ADGRD2: variants seen among roughly 807,000 people sequenced by gnomAD.
ADGRD2 encodes the protein G protein-coupled receptor PGR24.
A neutral mutation model predicts 44.4 loss-of-function variants in ADGRD2; 71 were observed. That is an observed-to-expected ratio of 1.60 (90% CI 1.32 to 1.95). The LOEUF (loss-of-function observed/expected upper bound fraction) is 1.95, where lower values mean the gene tolerates loss of function less well. Among genes scored for constraint, ADGRD2 ranks in the 30% most tolerant of loss-of-function variants. ADGRD2 has a pLI of 0.00. For synonymous variants in ADGRD2, 481 were observed against 224.8 expected, an observed-to-expected ratio of 2.14 and a Z score of -10.19; for missense variants, 1,039 against 512.4, an observed-to-expected ratio of 2.03 and a Z score of -9.92.
At chr9:124,461,935 C>T (rs565188667) in intron 10 of ADGRD2, among the ~76,000 whole-genome samples, 9 of 152,070 alleles carry the variant, frequency 5.9e-5, no homozygotes, top group African/African-American at 1.4e-4. Flanking sequence ...TTAGTAGAGA[C>T]GGGGTTTCAC....
At position 124,454,561 on chromosome 9, in the gene ADGRD2, G is replaced by T; in HGVS notation, c.1102G>T (p.Asp368Tyr). ...CAGCCGAGTCAATGCCTTGGCCAAC[G>T]ACATTGTGGTGAGCTCCCTCTCAGG... Residue 368 changes from aspartate to tyrosine, a missense_variant, in exon 5 of 22, where the codon GAC (aspartate) becomes TAC (tyrosine). Transcript: ENST00000334810. This position sits in a 1 kb window ranked among gnomAD's most constrained non-coding sequence, Gnocchi z 4.5. The T allele has an allele frequency of 2.8e-6, 2 of 716,628 alleles. No individual in the cohort carries two copies. Among genetic ancestry groups the T allele is most frequent in the Non-Finnish European group, 5.2e-6 (2 of 383,954 alleles). The allele number at this position is 716,628 out of a possible 1,614,324, so 44.4% of individuals were successfully genotyped here.
chr9:124,472,998 C>G (rs536491152), intron 17 of ADGRD2, among the ~76,000 whole-genome samples: 8 of 152,356 alleles, frequency 5.3e-5, no homozygotes, highest in Admixed American at 4.6e-4. Context: ...ACATGACCCT[C>G]TTAGGCTCAG....
At chr9:124,466,668 G>T (rs1831830878) in intron 11 of ADGRD2, 1 of 288,134 alleles carries the variant, frequency 3.5e-6, no homozygotes, top group East Asian at 6.9e-5. Flanking sequence ...AAATTAGCCA[G>T]GTGTGGTGGC....
At chr9:124,457,170 G>T (rs1037450903) in intron 7 of ADGRD2, among the ~76,000 whole-genome samples, 9 of 152,228 alleles carry the variant, frequency 5.9e-5, no homozygotes, top group Admixed American at 3.9e-4. Context: ...GCCTGAATGG[G>T]GGTGCACCTG....
Position 124,470,549 on chromosome 9 carries a change from G to T in ADGRD2, c.2695G>T (p.Ala899Ser), listed in dbSNP as rs1831928166. The change falls in exon 17 of 22, where the codon GCA becomes TCA. Residue 899 changes from alanine to serine, a missense_variant. By Grantham distance (99) the Ala-to-Ser change is moderately conservative (BLOSUM62 1). Transcript: ENST00000334810. ...GCCCGTCCTAGGCCTGACCTGGCTG[G>T]CAGGCATCCTGGTGCACCTGAGCCC... 5 of 710,660 alleles carry T rather than the reference G, an allele frequency of 7.0e-6. No homozygotes were observed. In the East Asian group the frequency reaches 1.1e-4, roughly 15 times the overall value. The allele number at this position is 710,660 out of a possible 1,614,324, so 44.0% of individuals were successfully genotyped here.
At chr9:124,472,993 A>T (rs1831981155) in intron 17 of ADGRD2, among the ~76,000 whole-genome samples, 1 of 151,816 alleles carries the variant, frequency 6.6e-6, no homozygotes, top group Non-Finnish European at 1.5e-5. Flanking sequence ...CAGTCACATG[A>T]CCCTCTTAGG....
Position 124,468,692 on chromosome 9 carries a change from C to A in ADGRD2, c.2387+20C>A. 1.4e-6 allele frequency: 1 copy of A among 705,264 alleles called. No individual in the cohort carries two copies. The highest frequency in any genetic ancestry group is 2.0e-5 in the Admixed American group (1 of 49,624). 43.7% of individuals were successfully genotyped at this position (705,264 alleles called of 1,614,324 possible). On this transcript the variant is annotated intron_variant, in intron 14 of 21. Coordinates refer to ENST00000334810, the Ensembl canonical transcript of ADGRD2. Reference sequence around the variant, plus strand: ...GCTGGGGTGAGGCCTGCTCTGCACCCACACTCTCTTCTCCTCAGCTGTACC... The same window carrying A: ...GCTGGGGTGAGGCCTGCTCTGCACCAACACTCTCTTCTCCTCAGCTGTACC...
chr9:124,450,731 A>G (rs1298243098), upstream of ADGRD2, among the ~76,000 whole-genome samples: 2 of 152,172 alleles, frequency 1.3e-5, no homozygotes, highest in African/African-American at 4.8e-5. Flanking sequence ...TGCTTTTCAG[A>G]ATCCAAAACG....
intron 17 of ADGRD2, among the ~76,000 whole-genome samples, chr9:124,472,653 C>T (rs1241402357): frequency 6.6e-6 from 1 of 152,064 alleles, no homozygotes; most frequent in African/African-American, 2.4e-5. Context: ...ATTACAGGCA[C>T]CTGCCACCAC....
intron 12 of ADGRD2, 129 bp from the exon 16 acceptor site, chr9:124,467,959 G>C: frequency 1.4e-6 from 1 of 701,118 alleles, no homozygotes; most frequent in Non-Finnish European, 2.7e-6. Context: ...AGGATGTGCT[G>C]GGTCCCCTGT....
Position 124,454,641 on chromosome 9 carries a change from C to A in ADGRD2, c.1108+72C>A. On this transcript the variant is annotated intron_variant, in intron 5 of 21. Coordinates refer to ENST00000334810, the Ensembl canonical transcript of ADGRD2. The surrounding 1 kb of genome is among the most constrained non-coding windows in gnomAD (Gnocchi z 4.5). The stretch of plus-strand genomic sequence containing the variant: ...ACCTCGCTGCACCTCAGTTTCCTCC[C>A]TTGTAAAGGGGACACCCACCTGGTG... The A allele has an allele frequency of 1.5e-6, 1 of 685,778 alleles. No homozygotes were observed. Among genetic ancestry groups the A allele is most frequent in the Non-Finnish European group, 2.7e-6 (1 of 366,294 alleles). 42.5% of individuals were successfully genotyped at this position (685,778 alleles called of 1,614,324 possible).
At chr9:124,470,320 G>T (rs144057386) in intron 16 of ADGRD2, among the ~76,000 whole-genome samples, 174 bp from the exon 20 acceptor site, 32 of 152,282 alleles carry the variant, frequency 2.1e-4, no homozygotes, top group Non-Finnish European at 3.7e-4. Context: ...GAGAACAGGG[G>T]GGGCAACAAA....
At chr9:124,464,820 GTA>G (rs760094889) in intron 10 of ADGRD2, among the ~76,000 whole-genome samples, 15 of 151,988 alleles carry the variant, frequency 9.9e-5, no homozygotes, top group Admixed American at 5.2e-4. Flanking sequence ...ACGTGTGTGT[GTA>G]TGTGTTTTCA....
chr9:124,454,608 C>T lies in ADGRD2; in HGVS notation c.1108+39C>T, dbSNP rs1831578060. ...CAGGGGCTGGAAAGCCTGGGGGCTC[C>T]ATGGGTCACCTCGCTGCACCTCAGT... On this transcript the variant is annotated intron_variant, in intron 5 of 21. Transcript: ENST00000334810. The surrounding 1 kb of genome is among the most constrained non-coding windows in gnomAD (Gnocchi z 4.5). 2.8e-6 allele frequency: 2 copies of T among 707,330 alleles called. No individual in the cohort carries two copies. Among genetic ancestry groups the T allele is most frequent in the Non-Finnish European group, 5.3e-6 (2 of 378,392 alleles). The allele number at this position is 707,330 out of a possible 1,614,324, so 43.8% of individuals were successfully genotyped here. A position where few individuals can be genotyped will look rare whatever the true frequency, so the allele number is the denominator to read the frequency against.
intron 10 of ADGRD2, among the ~76,000 whole-genome samples, chr9:124,461,733 T>G (rs1378250973): frequency 5.3e-5 from 8 of 152,100 alleles, no homozygotes; most frequent in Admixed American, 5.2e-4. Flanking sequence ...TTTGTTTTTT[T>G]TTTTTAATTT....
At chr9:124,471,220 G>A (rs542012839) in intron 17 of ADGRD2, among the ~76,000 whole-genome samples, 1 of 152,240 alleles carries the variant, frequency 6.6e-6, no homozygotes, top group South Asian at 2.1e-4. Flanking sequence ...CTGGGAGTCA[G>A]GGAGGCCCTT....
chr9:124,462,882 TCTTC>T (rs934065030), intron 10 of ADGRD2, among the ~76,000 whole-genome samples: 54 of 144,696 alleles, frequency 3.7e-4, no homozygotes, highest in African/African-American at 1.2e-3. Flanking sequence ...TGTCTTCCTT[TCTTC>T]CTTCCTTCCT....
At chr9:124,451,006 G>A (rs1267075150), upstream of ADGRD2, 1 of 469,000 alleles carries the variant, frequency 2.1e-6, no homozygotes, top group Non-Finnish European at 4.4e-6. Context: ...TATCCCCGCT[G>A]AGCACAGCGT....
chr9:124,473,599 C>T (rs1181618098), intron 17 of ADGRD2, among the ~76,000 whole-genome samples: 1 of 152,262 alleles, frequency 6.6e-6, no homozygotes. Flanking sequence ...CCTCCCCATG[C>T]CAGGGCTGGC....
Sources: allele counts gnomAD v4.1 joint callset (sites outside exome capture counted in the v4.1 genomes callset), GRCh38; gene constraint gnomAD v4.1.1; non-coding constraint Gnocchi (gnomAD v3.1); transcripts MANE v1.5; gene names NCBI Gene and HGNC (gene_info 2026-07-23, HGNC 2026-07-21).